Variants in PIBF1 observed in about 807,000 individuals in gnomAD.
PIBF1 encodes the protein progesterone-induced-blocking factor 1.
PIBF1 carries 90 observed loss-of-function variants against 112.5 expected under a neutral mutation model. The ratio of observed to expected loss-of-function variants is 0.80; its 90% CI spans 0.67 to 0.95. The LOEUF is 0.95. Among genes scored for constraint, PIBF1 ranks in the 40% least tolerant of loss-of-function variants. The pLI, the probability that PIBF1 is intolerant of heterozygous loss-of-function variation, is 0.00. For synonymous variants in PIBF1, 301 were observed against 288.6 expected (o/e 1.04, Z -0.44); for missense variants, 915 against 852.3 (o/e 1.07, Z -0.92).
chr13:73,013,200 C>T (rs2044261836), intron 17 of PIBF1, among the ~76,000 whole-genome samples: 1 of 148,528 alleles, frequency 6.7e-6, no homozygotes, highest in African/African-American at 2.5e-5. Flanking sequence ...ACTCGGGAGG[C>T]TGAGGCAGGA....
chr13:72,822,747 A>G (rs1451126966), intron 6 of PIBF1, among the ~76,000 whole-genome samples: 1 of 152,272 alleles, frequency 6.6e-6, no homozygotes, highest in Non-Finnish European at 1.5e-5. Flanking sequence ...TACAAATTGC[A>G]TAATACCGTA....
intron 10 of PIBF1, among the ~76,000 whole-genome samples, chr13:72,876,289 C>T (rs1459441241): frequency 6.6e-6 from 1 of 151,992 alleles, no homozygotes; most frequent in African/African-American, 2.4e-5. Context: ...TTCCACTGAT[C>T]TATTTGTCCC....
At chr13:72,927,600 T>C (rs1336151640) in intron 13 of PIBF1, among the ~76,000 whole-genome samples, 1 of 152,182 alleles carries the variant, frequency 6.6e-6, no homozygotes, top group Non-Finnish European at 1.5e-5. Flanking sequence ...TTGGCCAGGC[T>C]GGTCTCAAAC....
chr13:72,919,282 G>A lies in PIBF1; in HGVS notation c.1730+2116G>A, dbSNP rs541752626. ...AGCACTTTATAGAAAGCAAGAAAAGGATAGTTAGAACTTATGGCTCTTACC... is the reference window on the plus strand; with the variant it reads ...AGCACTTTATAGAAAGCAAGAAAAGAATAGTTAGAACTTATGGCTCTTACC... On this transcript the variant is annotated intron_variant, in intron 13 of 17. Coordinates refer to ENST00000326291, the MANE Select transcript of PIBF1 (RefSeq NM_006346.4). Among the ~76,000 whole-genome samples, 94 of 152,242 alleles carry A rather than the reference G, an allele frequency of 6.2e-4. 1 individual carries two copies. In the South Asian group the frequency reaches 8.9e-3, roughly 14 times the overall value.
rs1473882460 is a variant in PIBF1 at position 72,782,203 on chromosome 13, G to C, written c.-194G>C. ...TTGCGGGTGCGGAGATGGTTGTCTT[G>C]GTTACGGGTCCTAACGGTCCCCTGC... is the stretch of plus-strand genomic sequence containing the variant. On this transcript the variant is annotated 5_prime_UTR_variant, in exon 1 of 18. Transcript: ENST00000326291. The C allele has an allele frequency of 4.5e-6, 1 of 222,456 alleles. No homozygotes were observed. Among genetic ancestry groups the C allele is most frequent in the East Asian group, 8.1e-5 (1 of 12,270 alleles). 13.8% of individuals were successfully genotyped at this position (222,456 alleles called of 1,614,324 possible). A position where few individuals can be genotyped will look rare whatever the true frequency, so the allele number is the denominator to read the frequency against.
At chr13:72,852,796 A>G (rs2038227084) in intron 9 of PIBF1, among the ~76,000 whole-genome samples, 1 of 152,230 alleles carries the variant, frequency 6.6e-6, no homozygotes, top group Non-Finnish European at 1.5e-5. Context: ...ATAATAAAAA[A>G]TAATAATTTC....
intron 10 of PIBF1, among the ~76,000 whole-genome samples, chr13:72,858,461 C>T (rs1401092776): frequency 2.0e-5 from 3 of 152,156 alleles, no homozygotes; most frequent in African/African-American, 7.2e-5. Flanking sequence ...GCATAGTTGA[C>T]ATTTAAGCAG....
At position 72,950,964 on chromosome 13, in the gene PIBF1, G is replaced by T. The variant is rs554603698; in HGVS notation, c.1834-14310G>T. 5.8e-4 allele frequency among the ~76,000 whole-genome samples: 88 copies of T among 152,332 alleles called. 1 individual carries two copies. The highest frequency in any genetic ancestry group is 1.9e-3 in the African/African-American group (80 of 41,576). ...TCAAAGTGAGTGCCGTGGTTTTTAAGTTTCTTCTGAAAGTGGCCAATCAGC... is the reference window on the plus strand; with the variant it reads ...TCAAAGTGAGTGCCGTGGTTTTTAATTTTCTTCTGAAAGTGGCCAATCAGC... On this transcript the variant is annotated intron_variant, in intron 14 of 17. Transcript: ENST00000326291.
At chr13:73,014,939 C>T (rs2044340747) in intron 17 of PIBF1, among the ~76,000 whole-genome samples, 1 of 152,182 alleles carries the variant, frequency 6.6e-6, no homozygotes, top group Admixed American at 6.5e-5. Context: ...TGTGCACTAC[C>T]ATGCCTGGCT....
At chr13:72,842,679 T>C (rs1303415815) in intron 9 of PIBF1, among the ~76,000 whole-genome samples, 1 of 152,228 alleles carries the variant, frequency 6.6e-6, no homozygotes, top group Non-Finnish European at 1.5e-5. Context: ...TATGTCCTCA[T>C]TAGTGCTTAA....
chr13:72,884,976 A>G (rs2039787550), intron 10 of PIBF1, among the ~76,000 whole-genome samples: 1 of 152,138 alleles, frequency 6.6e-6, no homozygotes, highest in African/African-American at 2.4e-5. Flanking sequence ...GTATGCCCTC[A>G]TGATAAACTT....
At chr13:72,965,477 G>T in intron 15 of PIBF1, 73 bp downstream of exon 15, 1 of 1,238,484 alleles carries the variant, frequency 8.1e-7, no homozygotes, top group Non-Finnish European at 1.1e-6. Flanking sequence ...GGTGAATTTG[G>T]GTTGTAAATC....
At chr13:72,867,635 A>G (rs1174750106) in intron 10 of PIBF1, among the ~76,000 whole-genome samples, 1 of 152,162 alleles carries the variant, frequency 6.6e-6, no homozygotes, top group Non-Finnish European at 1.5e-5. Context: ...AACTTACTGT[A>G]TATTCTAATT....
At chr13:72,995,737 G>A (rs1391005713) in intron 16 of PIBF1, among the ~76,000 whole-genome samples, 1 of 151,956 alleles carries the variant, frequency 6.6e-6, no homozygotes, top group Admixed American at 6.6e-5. Flanking sequence ...GGATCACGAG[G>A]TCAGGACTTC....
intron 12 of PIBF1, among the ~76,000 whole-genome samples, chr13:72,911,672 A>T (rs1040856078): frequency 6.6e-6 from 1 of 152,204 alleles, no homozygotes; most frequent in Non-Finnish European, 1.5e-5. Context: ...TTAAGAAATG[A>T]ATAGCCAAGC....
At chr13:72,864,990 C>A (rs535208779) in intron 10 of PIBF1, among the ~76,000 whole-genome samples, 1 of 152,010 alleles carries the variant, frequency 6.6e-6, no homozygotes, top group Non-Finnish European at 1.5e-5. Flanking sequence ...GTGGTGTAGT[C>A]ATCATGAAAA....
chr13:72,837,730 T>G (rs1011508202), intron 9 of PIBF1, among the ~76,000 whole-genome samples: 4 of 152,168 alleles, frequency 2.6e-5, no homozygotes, highest in African/African-American at 9.7e-5. Flanking sequence ...CTCTGCACAA[T>G]ATAGTTTAGT....
chr13:72,866,545 T>A (rs1286565224), intron 10 of PIBF1, among the ~76,000 whole-genome samples: 1 of 152,186 alleles, frequency 6.6e-6, no homozygotes, highest in Non-Finnish European at 1.5e-5. Flanking sequence ...ATTTGATCTA[T>A]GACATACATT....
At position 72,886,083 on chromosome 13, in the gene PIBF1, CT is replaced by C. The variant is rs766191220; in HGVS notation, c.1323-7697del. Among the ~76,000 whole-genome samples, 6 of 152,092 alleles carry C rather than the reference CT, an allele frequency of 3.9e-5. No individual in the cohort carries two copies. In the South Asian group the frequency reaches 1.0e-3, roughly 26 times the overall value. ...TATGTTAACCATAGTAAATTCATTT[CT>C]TTTCTTGAGCTATATATTACTGAAA... is the stretch of plus-strand genomic sequence containing the variant. On this transcript the variant is annotated intron_variant, in intron 10 of 17. Transcript: ENST00000326291.
Sources: gnomAD v4.1 joint callset for allele counts (sites outside exome capture counted in the v4.1 genomes callset) on GRCh38, gnomAD v4.1.1 for gene constraint, MANE v1.5 for transcripts, NCBI Gene and HGNC (gene_info 2026-07-23, HGNC 2026-07-21) for gene names.